The following MYO1D variants were observed in gnomAD, a reference collection of about 807,000 sequenced individuals.
MYO1D encodes the protein unconventional myosin-Id.
MYO1D carries 83 observed loss-of-function variants against 122.0 expected under a neutral mutation model. That is an observed-to-expected ratio of 0.68 (90% CI 0.57 to 0.82). The LOEUF (loss-of-function observed/expected upper bound fraction) is 0.82. MYO1D is among the 40% of genes least tolerant of loss of function. The pLI, the probability that MYO1D is intolerant of heterozygous loss-of-function variation, is 0.00. For synonymous variants in MYO1D, 464 were observed against 446.9 expected, an observed-to-expected ratio of 1.04 and a Z score of -0.48; for missense variants, 1,157 against 1,269.5, an observed-to-expected ratio of 0.91 and a Z score of 1.35.
intron 16 of MYO1D, among the ~76,000 whole-genome samples, chr17:32,661,064 T>G (rs78791600): frequency 0.024 from 3,713 of 152,314 alleles, 134 homozygotes; most frequent in African/African-American, 0.084. Flanking sequence ...ATGTTTTTGG[T>G]TAGCTTCTTT....
At chr17:32,656,502 G>T (rs2088478761) in intron 17 of MYO1D, among the ~76,000 whole-genome samples, 1 of 152,180 alleles carries the variant, frequency 6.6e-6, no homozygotes, top group African/African-American at 2.4e-5. Flanking sequence ...AAGGGCAGGA[G>T]ATGAAGGATT....
intron 21 of MYO1D, among the ~76,000 whole-genome samples, chr17:32,548,819 T>C (rs1253524770): frequency 2.7e-5 from 4 of 150,726 alleles, no homozygotes; most frequent in African/African-American, 7.3e-5. Flanking sequence ...GTTCAAGCAA[T>C]ACTCCTGCCT....
At chr17:32,715,594 C>T (rs2089434539) in intron 15 of MYO1D, among the ~76,000 whole-genome samples, 1 of 152,030 alleles carries the variant, frequency 6.6e-6, no homozygotes, top group Non-Finnish European at 1.5e-5. Flanking sequence ...TGTATTCTCT[C>T]CCCACATTAC....
At chr17:32,638,644 C>A in intron 20 of MYO1D, 78 bp downstream of exon 20, 2 of 880,624 alleles carry the variant, frequency 2.3e-6, no homozygotes, top group Non-Finnish European at 3.6e-6. Flanking sequence ...GATTCTAGAA[C>A]TCAGTCTATT....
chr17:32,531,979 C>T (rs1424025685), intron 21 of MYO1D, among the ~76,000 whole-genome samples: 2 of 152,344 alleles, frequency 1.3e-5, no homozygotes. Context: ...TTAATGGCTA[C>T]ATCATCATCT....
At chr17:32,851,955 C>T (rs1263276249) in intron 1 of MYO1D, among the ~76,000 whole-genome samples, 1 of 152,202 alleles carries the variant, frequency 6.6e-6, no homozygotes, top group Non-Finnish European at 1.5e-5. Context: ...ACAGCATTTA[C>T]TACTGCTGTT....
At chr17:32,729,430 A>G (rs2089611553) in intron 14 of MYO1D, among the ~76,000 whole-genome samples, 1 of 152,182 alleles carries the variant, frequency 6.6e-6, no homozygotes, top group South Asian at 2.1e-4. Context: ...AACTGAAGGC[A>G]CTATGGACTC....
chr17:32,850,778 T>C (rs1163464725), intron 1 of MYO1D, among the ~76,000 whole-genome samples: 1 of 152,156 alleles, frequency 6.6e-6, no homozygotes, highest in Admixed American at 6.5e-5. Context: ...CATTAGTGAA[T>C]TTGAGGGGAA....
At chr17:32,595,332 A>C (rs1243156822) in intron 21 of MYO1D, among the ~76,000 whole-genome samples, 1 of 152,200 alleles carries the variant, frequency 6.6e-6, no homozygotes, top group Non-Finnish European at 1.5e-5. Context: ...AGGATTTTCA[A>C]TATTCCTAAT....
intron 21 of MYO1D, chr17:32,510,826 C>G (rs1410927910): frequency 1.3e-5 from 2 of 152,178 alleles, no homozygotes; most frequent in Non-Finnish European, 2.9e-5. Flanking sequence ...GGAATCTGTA[C>G]TCTTTAAAGG....
chr17:32,501,841 A>C (rs1909329418), intron 21 of MYO1D, among the ~76,000 whole-genome samples: 1 of 152,224 alleles, frequency 6.6e-6, no homozygotes, highest in Non-Finnish European at 1.5e-5. Flanking sequence ...AAATTAATTG[A>C]ACCCAAAGAG....
chr17:32,497,429 C>A (rs1471491957), intron 21 of MYO1D, among the ~76,000 whole-genome samples: 2 of 152,152 alleles, frequency 1.3e-5, no homozygotes, highest in South Asian at 4.1e-4. Flanking sequence ...TGCATTCCAG[C>A]CTGGGCAACA....
chr17:32,809,098 C>G (rs972079942), intron 1 of MYO1D, among the ~76,000 whole-genome samples: 36 of 151,388 alleles, frequency 2.4e-4, no homozygotes, highest in Non-Finnish European at 4.7e-4. Context: ...TCCCACACCC[C>G]CTCCTAGGGC....
At chr17:32,865,485 G>C (rs547655899) in intron 1 of MYO1D, among the ~76,000 whole-genome samples, 6 of 152,178 alleles carry the variant, frequency 3.9e-5, no homozygotes, top group Non-Finnish European at 8.8e-5. Flanking sequence ...AGAGATATGA[G>C]GAGAGGAGGA....
At chr17:32,523,481 T>C (rs988649196) in intron 21 of MYO1D, 1 of 152,098 alleles carries the variant, frequency 6.6e-6, no homozygotes, top group African/African-American at 2.4e-5. Flanking sequence ...ATGTCACGAA[T>C]AGCGAAAGAG....
intron 20 of MYO1D, among the ~76,000 whole-genome samples, chr17:32,613,667 G>T (rs941903872): frequency 6.6e-6 from 1 of 151,544 alleles, no homozygotes; most frequent in African/African-American, 2.4e-5. Context: ...CCAGCTACTC[G>T]GGGGGCTGAG....
intron 16 of MYO1D, among the ~76,000 whole-genome samples, chr17:32,690,426 C>T (rs892350289): frequency 3.2e-4 from 49 of 152,118 alleles, no homozygotes; most frequent in African/African-American, 6.3e-4. Flanking sequence ...CTGCCTGACC[C>T]GGCCTCCCAA....
At position 32,494,708 on chromosome 17, in the gene MYO1D, G is replaced by A; in HGVS notation, c.*51C>T. On this transcript the variant is annotated 3_prime_UTR_variant, in exon 22 of 22. Transcript: ENST00000318217. ...GGTTGGGAGGCAGCAGCTGGACTGG[G>A]ACCCAGGACTCGGAGTGTGGCCGGG... 2.0e-6 allele frequency: 3 copies of A among 1,527,400 alleles called. No individual in the cohort carries two copies. The highest frequency in any genetic ancestry group is 2.6e-6 in the Non-Finnish European group (3 of 1,138,444). 94.6% of individuals were successfully genotyped at this position (1,527,400 alleles called of 1,614,324 possible). A position where few individuals can be genotyped will look rare whatever the true frequency, so the allele number is the denominator to read the frequency against.
chr17:32,699,373 C>G (rs906418246), intron 16 of MYO1D, among the ~76,000 whole-genome samples: 1 of 152,014 alleles, frequency 6.6e-6, no homozygotes, highest in Non-Finnish European at 1.5e-5. Context: ...AACAAAACTC[C>G]CAAATGACAG....
Sources: gnomAD v4.1 joint callset for allele counts (sites outside exome capture counted in the v4.1 genomes callset) on GRCh38, gnomAD v4.1.1 for gene constraint, MANE v1.5 for transcripts, NCBI Gene and HGNC (gene_info 2026-07-23, HGNC 2026-07-21) for gene names.